The following CNTFR variants were observed in gnomAD, a reference collection of about 807,000 sequenced individuals.
CNTFR encodes ciliary neurotrophic factor receptor subunit alpha.
In CNTFR, 12 loss-of-function variants were observed where a neutral mutation model predicts 40.4. That is an observed-to-expected ratio of 0.30 (90% CI 0.19 to 0.48). The LOEUF (loss-of-function observed/expected upper bound fraction) is 0.48. Among genes scored for constraint, CNTFR ranks in the 20% least tolerant of loss-of-function variants. CNTFR has a pLI of 0.99. For synonymous variants in CNTFR, 202 were observed against 209.6 expected, an observed-to-expected ratio of 0.96 and a Z score of 0.31; for missense variants, 414 against 506.8, an observed-to-expected ratio of 0.82 and a Z score of 1.76.
chr9:34,576,765 G>A (rs1313591131), intron 2 of CNTFR, among the ~76,000 whole-genome samples: 1 of 152,190 alleles, frequency 6.6e-6, no homozygotes, highest in East Asian at 1.9e-4. Context: ...GAAATCAGCC[G>A]ACTTCCCAGG....
At chr9:34,569,925 G>A (rs1263064229) in intron 2 of CNTFR, 1 of 152,186 alleles carries the variant, frequency 6.6e-6, no homozygotes, top group Non-Finnish European at 1.5e-5. Flanking sequence ...CCAACCTGGT[G>A]TCCTGCTTCC....
At chr9:34,574,103 G>A (rs115927263) in intron 2 of CNTFR, among the ~76,000 whole-genome samples, 1,841 of 152,074 alleles carry the variant, frequency 0.012, 35 homozygotes, top group African/African-American at 0.042. Flanking sequence ...CGGTGGGGGC[G>A]GGGGCAGAGG....
chr9:34,582,851 G>A (rs79369160), intron 1 of CNTFR: 5,230 of 152,220 alleles, frequency 0.034, 132 homozygotes, highest in South Asian at 0.1. Context: ...AAAAAACACC[G>A]ACAGATACAC....
At chr9:34,578,470 A>G (rs1827109271) in intron 2 of CNTFR, among the ~76,000 whole-genome samples, 1 of 152,178 alleles carries the variant, frequency 6.6e-6, no homozygotes, top group East Asian at 1.9e-4. Flanking sequence ...TTCCCCTCCC[A>G]AGGAGAAGTT....
In CNTFR at chr9:34,568,965, G is replaced by A. The variant is rs774818916; in HGVS notation, c.17C>T (p.Pro6Leu). Residue 6 changes from proline (P) to leucine (L), a missense_variant, in exon 3 of 10, where the codon CCG (proline) becomes CTG (leucine). Coordinates refer to ENST00000378980, the MANE Select transcript of CNTFR (RefSeq NM_147164.3). Reference protein sequence around the residue: MAAPVPWACCAVLAAA... With the variant: MAAPVLWACCAVLAAA... ...GGCAAGCACAGCACAGCAGGCCCAC[G>A]GGACAGGAGCAGCCATCTGTTGGGA... 8.1e-6 allele frequency: 13 copies of A among 1,596,990 alleles called. No individual in the cohort carries two copies. Among genetic ancestry groups the A allele is most frequent in the African/African-American group, 5.4e-5 (4 of 74,504 alleles).
At chr9:34,559,134 G>C (rs1004756058) in intron 4 of CNTFR, among the ~76,000 whole-genome samples, 1 of 152,184 alleles carries the variant, frequency 6.6e-6, no homozygotes, top group East Asian at 1.9e-4. Flanking sequence ...GAAATGGGAG[G>C]GGGGCAGCGC....
chr9:34,565,742 G>A (rs1826255876), intron 3 of CNTFR, among the ~76,000 whole-genome samples: 1 of 152,144 alleles, frequency 6.6e-6, no homozygotes, highest in Non-Finnish European at 1.5e-5. Context: ...AGCACCTGTC[G>A]ACAGGCAGCA....
intron 2 of CNTFR, among the ~76,000 whole-genome samples, chr9:34,575,474 G>A (rs1826906885): frequency 6.6e-6 from 1 of 152,114 alleles, no homozygotes; most frequent in African/African-American, 2.4e-5. Flanking sequence ...GCCGGGGACA[G>A]GAAGGAGGCT....
Position 34,551,599 on chromosome 9 carries a change from CAG to C in CNTFR, c.*470_*471del, listed in dbSNP as rs1239466181. ...AGGGTCAGGGGAGGGGTATACAAAACAGGGCAGAGGGGAGGGGACTGAAAATT... is the reference window on the plus strand; with the variant it reads ...AGGGTCAGGGGAGGGGTATACAAAACGGCAGAGGGGAGGGGACTGAAAATT... On this transcript the variant is annotated 3_prime_UTR_variant, in exon 10 of 10. Coordinates refer to ENST00000378980, the MANE Select transcript of CNTFR (RefSeq NM_147164.3). 3.5e-6 allele frequency: 1 copy of C among 285,570 alleles called. No homozygotes were observed. The highest frequency in any genetic ancestry group is 2.3e-5 in the African/African-American group (1 of 44,342). The allele number at this position is 285,570 out of a possible 1,614,324, so 17.7% of individuals were successfully genotyped here.
chr9:34,578,142 C>A (rs1827085632), intron 2 of CNTFR, among the ~76,000 whole-genome samples: 2 of 151,428 alleles, frequency 1.3e-5, no homozygotes, highest in African/African-American at 2.4e-5. Flanking sequence ...AGAAGCAACC[C>A]CCACAGCGGT....
At chr9:34,566,074 C>A (rs1587136973) in intron 3 of CNTFR, among the ~76,000 whole-genome samples, 1 of 152,066 alleles carries the variant, frequency 6.6e-6, no homozygotes, top group East Asian at 1.9e-4. Flanking sequence ...GGGCCAGTGG[C>A]CTCTTAATTA....
intron 2 of CNTFR, among the ~76,000 whole-genome samples, chr9:34,578,470 AAGG>A (rs1235220449): frequency 4.6e-5 from 7 of 152,060 alleles, no homozygotes; most frequent in Non-Finnish European, 1.0e-4. Flanking sequence ...TTCCCCTCCC[AAGG>A]AGAAGTTGCC....
At chr9:34,588,177 C>A (rs906428870) in intron 1 of CNTFR, among the ~76,000 whole-genome samples, 2 of 152,140 alleles carry the variant, frequency 1.3e-5, no homozygotes, top group Non-Finnish European at 2.9e-5. Flanking sequence ...GAGCCCCTGG[C>A]ACCAGCTGAG....
chr9:34,552,777 G>A lies in CNTFR; in HGVS notation c.846C>T (p.Ala282=), dbSNP rs1399853429. The A allele has an allele frequency of 1.9e-6, 3 of 1,613,842 alleles. No individual in the cohort carries two copies. The highest frequency in any genetic ancestry group is 2.5e-6 in the Non-Finnish European group (3 of 1,179,930). Residue 282 remains alanine (A), a synonymous_variant, in exon 8 of 10, where the codon GCC becomes GCT. Transcript: ENST00000378980. This position sits in a 1 kb window ranked among gnomAD's most constrained non-coding sequence, Gnocchi z 5.1. ...TCCATGTCCCAATCTCATTGTCCTT[G>A]GCTGCCACCTGGATAATGTACTCCT... is the stretch of plus-strand genomic sequence containing the variant. ...AGKEYIIQVA[A]KDNEIGTWSD...
At position 34,552,253 on chromosome 9, in the gene CNTFR, G is replaced by A. The variant is rs372744120; in HGVS notation, c.1026C>T (p.Ser342=). The A allele has an allele frequency of 6.1e-5, 95 of 1,553,742 alleles. No individual in the cohort carries two copies. The highest frequency in any genetic ancestry group is 2.2e-4 in the African/African-American group (16 of 73,524). ...TKICDPGELG[S]GGGPSAPFLV... ...AGAAGGGTGCCGAGGGTCCCCCGCC[G>A]CTGCCCAGCTCCCCAGGGTCACAGA... Residue 342 remains serine, a synonymous_variant, in exon 9 of 10, where the codon AGC becomes AGT. Coordinates refer to ENST00000378980, the MANE Select transcript of CNTFR (RefSeq NM_147164.3). This position sits in a 1 kb window ranked among gnomAD's most constrained non-coding sequence, Gnocchi z 5.1.
At chr9:34,556,042 G>C (rs1825823334) in intron 7 of CNTFR, among the ~76,000 whole-genome samples, 1 of 150,442 alleles carries the variant, frequency 6.6e-6, no homozygotes, top group African/African-American at 2.5e-5. Context: ...AGACATATGT[G>C]TTCCCGCTGC....
chr9:34,580,776 G>C (rs1434973763), intron 2 of CNTFR, among the ~76,000 whole-genome samples: 1 of 152,216 alleles, frequency 6.6e-6, no homozygotes, highest in African/African-American at 2.4e-5. Flanking sequence ...TGTCTGGGGG[G>C]CAGAGAGGAA....
At chr9:34,583,127 A>T (rs1400134424) in intron 1 of CNTFR, among the ~76,000 whole-genome samples, 1 of 152,032 alleles carries the variant, frequency 6.6e-6, no homozygotes, top group Non-Finnish European at 1.5e-5. Flanking sequence ...AGCCCCCCAT[A>T]AACCCTATGG....
chr9:34,555,377 C>T (rs914357466), intron 7 of CNTFR, among the ~76,000 whole-genome samples: 4 of 152,032 alleles, frequency 2.6e-5, no homozygotes, highest in Admixed American at 2.0e-4. Flanking sequence ...AAGTTGACCC[C>T]CAGGAACCAG....
Sources: allele counts gnomAD v4.1 joint callset (sites outside exome capture counted in the v4.1 genomes callset), GRCh38; gene constraint gnomAD v4.1.1; non-coding constraint Gnocchi (gnomAD v3.1); transcripts MANE v1.5; gene names NCBI Gene and HGNC (gene_info 2026-07-23, HGNC 2026-07-21).